NAV3: variants seen among roughly 807,000 people sequenced by gnomAD.
The protein encoded by NAV3 is neuron navigator 3.
NAV3 carries 87 observed loss-of-function variants against 244.7 expected under a neutral mutation model. The observed-to-expected ratio is 0.36, with a 90% CI of 0.30 to 0.42. The LOEUF is 0.42. Among genes scored for constraint, NAV3 ranks in the 20% least tolerant of loss-of-function variants. The pLI is 1.00. For missense variants in NAV3, 2,663 were observed against 2,893.3 expected, an observed-to-expected ratio of 0.92 and a Z score of 1.83; for synonymous variants, 1,126 against 1,042.2, an observed-to-expected ratio of 1.08 and a Z score of -1.55.
chr12:77,754,331 A>G (rs1565799650), intron 2 of NAV3, among the ~76,000 whole-genome samples: 1 of 152,132 alleles, frequency 6.6e-6, no homozygotes, highest in Admixed American at 6.6e-5. Context: ...TTCCCCTTGT[A>G]TGCTAAGGTG....
At chr12:77,674,607 C>T (rs1874127548) in intron 2 of NAV3, among the ~76,000 whole-genome samples, 1 of 152,108 alleles carries the variant, frequency 6.6e-6, no homozygotes, top group South Asian at 2.1e-4. Flanking sequence ...CCAGGGTGAC[C>T]TCAAACTCCT....
chr12:78,093,111 A>G (rs998676781), intron 12 of NAV3, among the ~76,000 whole-genome samples: 1 of 152,246 alleles, frequency 6.6e-6, no homozygotes, highest in African/African-American at 2.4e-5. Context: ...TGAATGAATA[A>G]AAGAAGAATG....
At chr12:77,734,223 CT>C (rs1313027735) in intron 2 of NAV3, among the ~76,000 whole-genome samples, 3 of 151,880 alleles carry the variant, frequency 2.0e-5, no homozygotes, top group Non-Finnish European at 4.4e-5. Context: ...TTTGTGGACT[CT>C]GCTTTTGTTA....
chr12:77,660,774 C>T lies in NAV3; in HGVS notation c.72+88508C>T, dbSNP rs189031322. Among the ~76,000 whole-genome samples, 272 of 152,236 alleles carry T rather than the reference C, an allele frequency of 1.8e-3. 1 individual carries two copies. Among genetic ancestry groups the T allele is most frequent in the Middle Eastern group, 6.8e-3 (2 of 294 alleles). Reference sequence around the variant, plus strand: ...GAGTCATTTATTGTTTCCATCCCAACCAACCATGGAACTAGCTTTGTCTCT... The same window carrying T: ...GAGTCATTTATTGTTTCCATCCCAATCAACCATGGAACTAGCTTTGTCTCT... On this transcript the variant is annotated intron_variant, in intron 2 of 8. Coordinates refer to the NAV3 transcript ENST00000550042.
At chr12:77,857,976 A>G (rs2136305410) in intron 1 of NAV3, among the ~76,000 whole-genome samples, 1 of 152,206 alleles carries the variant, frequency 6.6e-6, no homozygotes, top group East Asian at 1.9e-4. Flanking sequence ...CATTTCGAGT[A>G]CCAAATGCTA....
At chr12:77,717,804 G>A (rs1039666378) in intron 2 of NAV3, among the ~76,000 whole-genome samples, 10 of 151,840 alleles carry the variant, frequency 6.6e-5, no homozygotes, top group South Asian at 2.1e-4. Context: ...CAAGTGTGAG[G>A]CACTGTCTCA....
At chr12:77,887,502 G>A (rs1883430634) in intron 1 of NAV3, among the ~76,000 whole-genome samples, 1 of 152,076 alleles carries the variant, frequency 6.6e-6, no homozygotes, top group Non-Finnish European at 1.5e-5. Flanking sequence ...TTGTGATTAT[G>A]TGACACTTGT....
At chr12:77,935,260 T>C (rs539458142) in intron 1 of NAV3, among the ~76,000 whole-genome samples, 1 of 152,070 alleles carries the variant, frequency 6.6e-6, no homozygotes, top group Non-Finnish European at 1.5e-5. Flanking sequence ...TCAAGGAAAA[T>C]CAGAGTAGAT....
At chr12:77,975,375 T>C (rs1190854674) in intron 5 of NAV3, among the ~76,000 whole-genome samples, 1 of 152,240 alleles carries the variant, frequency 6.6e-6, no homozygotes, top group African/African-American at 2.4e-5. Flanking sequence ...CTTGAAGCTT[T>C]CATTCTAGTA....
At chr12:77,629,649 AACCT>A (rs112732243) in intron 2 of NAV3, among the ~76,000 whole-genome samples, 18,122 of 152,174 alleles carry the variant, frequency 0.12, 1,993 homozygotes, top group African/African-American at 0.29. Context: ...ATGTGGCACC[AACCT>A]ACCTAAGAAT....
At chr12:77,718,464 T>C (rs999820537) in intron 2 of NAV3, among the ~76,000 whole-genome samples, 3 of 152,120 alleles carry the variant, frequency 2.0e-5, no homozygotes, top group Admixed American at 2.0e-4. Context: ...GCCACATCAT[T>C]TTGATTACTG....
At chr12:77,840,102 A>G (rs776106859) in intron 1 of NAV3, among the ~76,000 whole-genome samples, 20 of 152,028 alleles carry the variant, frequency 1.3e-4, no homozygotes, top group Non-Finnish European at 2.4e-4. Flanking sequence ...TAAAGAATGA[A>G]TTTGATTTAG....
chr12:78,031,797 A>G (rs1273142297), intron 9 of NAV3, among the ~76,000 whole-genome samples: 1 of 150,852 alleles, frequency 6.6e-6, no homozygotes, highest in Non-Finnish European at 1.5e-5. Flanking sequence ...ATGACGAGTT[A>G]GTGGGTGCAG....
intron 23 of NAV3, among the ~76,000 whole-genome samples, chr12:78,159,677 A>C (rs1466882952): frequency 1.3e-5 from 2 of 152,048 alleles, no homozygotes; most frequent in East Asian, 3.9e-4. Context: ...TAATAATAAT[A>C]AAATAATATT....
At chr12:77,760,668 G>A (rs770807560) in intron 2 of NAV3, among the ~76,000 whole-genome samples, 3 of 152,180 alleles carry the variant, frequency 2.0e-5, no homozygotes, top group East Asian at 3.9e-4. Context: ...ATGAGGCTTC[G>A]TATGTGACTT....
chr12:77,922,924 AC>A (rs1887845636), intron 1 of NAV3, among the ~76,000 whole-genome samples: 2 of 152,174 alleles, frequency 1.3e-5, no homozygotes, highest in South Asian at 4.1e-4. Context: ...ATACTATTAC[AC>A]CCTGAATTTG....
At chr12:77,611,665 A>G (rs561123939) in intron 2 of NAV3, among the ~76,000 whole-genome samples, 84 of 152,128 alleles carry the variant, frequency 5.5e-4, no homozygotes, top group Middle Eastern at 3.4e-3. Context: ...TATCAGAAAT[A>G]GAATCATGCT....
At chr12:77,879,113 C>T (rs1009489278) in intron 1 of NAV3, among the ~76,000 whole-genome samples, 2 of 152,138 alleles carry the variant, frequency 1.3e-5, no homozygotes, top group African/African-American at 2.4e-5. Context: ...CCACCAAATA[C>T]AGCTGCTGCT....
At position 78,072,966 on chromosome 12, in the gene NAV3, G is replaced by T. The variant is rs1952854272; in HGVS notation, c.2636+13851G>T. 3.5e-5 allele frequency among the ~76,000 whole-genome samples: 5 copies of T among 144,276 alleles called. 1 individual carries two copies. In the South Asian group the frequency reaches 1.2e-3, roughly 36 times the overall value. 94.7% of individuals were successfully genotyped at this position (144,276 alleles called of 152,430 possible). ...GATTATCTCACTAGATGCAGAAAAAGCCTTTGACAAAATTCAACAACACTT... is the reference window on the plus strand; with the variant it reads ...GATTATCTCACTAGATGCAGAAAAATCCTTTGACAAAATTCAACAACACTT... On this transcript the variant is annotated intron_variant, in intron 12 of 39. Transcript: ENST00000397909.
Sources: allele counts gnomAD v4.1 joint callset (sites outside exome capture counted in the v4.1 genomes callset), GRCh38; gene constraint gnomAD v4.1.1; transcripts MANE v1.5; gene names NCBI Gene and HGNC (gene_info 2026-07-23, HGNC 2026-07-21).